The following GC variants were observed in gnomAD, a reference collection of about 807,000 sequenced individuals.
GC encodes the protein GC vitamin D binding protein, also known as vitamin D-binding protein.
In GC, 43 loss-of-function variants were observed where a neutral mutation model predicts 56.7. That is an observed-to-expected ratio of 0.76 (90% CI 0.59 to 0.98). The LOEUF (loss-of-function observed/expected upper bound fraction) is 0.98, where lower values mean the gene tolerates loss of function less well. GC is among the 50% of genes least tolerant of loss of function. The probability of loss-of-function intolerance (pLI) is 0.00; values close to 1 mark genes in which losing one functional copy is unlikely to be tolerated. For missense variants in GC, 529 were observed against 545.9 expected, an observed-to-expected ratio of 0.97 and a Z score of 0.31; for synonymous variants, 216 against 202.7, an observed-to-expected ratio of 1.07 and a Z score of -0.56.
chr4:71,800,638 A>G (rs929822122), intron 1 of GC, among the ~76,000 whole-genome samples: 6 of 152,144 alleles, frequency 3.9e-5, no homozygotes, highest in African/African-American at 1.4e-4. Context: ...CTGGTTCTAG[A>G]TCTTTGAGGA....
intron 1 of GC, chr4:71,803,776 A>C: frequency 1.5e-6 from 1 of 645,266 alleles, no homozygotes; most frequent in Non-Finnish European, 2.8e-6. Context: ...ACAATCGAGA[A>C]ATCACTTTCT....
upstream of GC, among the ~76,000 whole-genome samples, chr4:71,787,639 G>A (rs568868468): frequency 1.7e-4 from 26 of 151,966 alleles, no homozygotes; most frequent in Non-Finnish European, 3.1e-4. Flanking sequence ...AGGGGTAAGA[G>A]TAGATACAGT....
At chr4:71,765,735 G>T in intron 3 of GC, 92 bp from the exon 4 acceptor site, 1 of 777,104 alleles carries the variant, frequency 1.3e-6, no homozygotes, top group Non-Finnish European at 2.1e-6. Flanking sequence ...CCTATAATTA[G>T]AAAATTCTCA....
chr4:71,747,621 CAT>C (rs1483092642), intron 11 of GC, among the ~76,000 whole-genome samples: 1 of 152,076 alleles, frequency 6.6e-6, no homozygotes, highest in Non-Finnish European at 1.5e-5. Context: ...TGTTGACAGT[CAT>C]ATGGTACCAT....
chr4:71,803,990 T>C, exon 1 of GC: 1 of 1,252,040 alleles, frequency 8.0e-7, no homozygotes, highest in Non-Finnish European at 1.1e-6. Flanking sequence ...AGTGGTAGAA[T>C]AGGTAGATAT....
At chr4:71,804,738 T>C (rs1743325752), upstream of GC, among the ~76,000 whole-genome samples, 1 of 152,146 alleles carries the variant, frequency 6.6e-6, no homozygotes. Context: ...CCCAATTGCC[T>C]TGTTCGTCTT....
intron 7 of GC, among the ~76,000 whole-genome samples, chr4:71,757,831 C>T (rs1327522918): frequency 1.3e-5 from 2 of 152,178 alleles, no homozygotes; most frequent in Non-Finnish European, 2.9e-5. Context: ...TTGCCACCTA[C>T]TAGTTGTGTG....
rs111676899 is a variant in GC at position 71,763,495 on chromosome 4, T to C, written c.614A>G (p.Gln205Arg). 6.3e-7 allele frequency: 1 copy of C among 1,585,154 alleles called. No individual in the cohort carries two copies. Among genetic ancestry groups the C allele is most frequent in the Middle Eastern group, 1.7e-4 (1 of 6,014 alleles). The change falls in exon 6 of 13, where the codon CAG (glutamine) becomes CGG (arginine). Residue 205 changes from glutamine to arginine, a missense_variant. By Grantham distance (43) the Gln-to-Arg change is conservative. Coordinates refer to ENST00000273951, the MANE Select transcript of GC (RefSeq NM_000583.4). ...PTVCFLKERL[Q>R]LKHLSLLTTL... is the part of the protein sequence containing the mutation. ...GGTGAGAAGTGATAAATGTTTAAGCTGGAGTCTCTAGAAAACAAGTGAAAG... is the reference window on the plus strand; with the variant it reads ...GGTGAGAAGTGATAAATGTTTAAGCCGGAGTCTCTAGAAAACAAGTGAAAG...
intron 1 of GC, among the ~76,000 whole-genome samples, chr4:71,795,377 T>C (rs2149309954): frequency 6.6e-6 from 1 of 152,322 alleles, no homozygotes; most frequent in African/African-American, 2.4e-5. Context: ...CATAGTTAGC[T>C]CTTCTTATTG....
chr4:71,802,102 T>C (rs564888043), intron 1 of GC, among the ~76,000 whole-genome samples: 1 of 152,206 alleles, frequency 6.6e-6, no homozygotes, highest in Non-Finnish European at 1.5e-5. Flanking sequence ...GGACAGTAGA[T>C]TTTATTCATC....
rs114138315 is a variant in GC at position 71,756,942 on chromosome 4, T to C, written c.832-28A>G. On this transcript the variant is annotated intron_variant, in intron 7 of 12. Transcript: ENST00000273951. ...ACAAAACGAATGGTTAGTTTGTGCA[T>C]TGTTAGTTTCCTGATAGTCTAATTA... 6.2e-3 allele frequency: 9,041 copies of C among 1,452,622 alleles called. 426 individuals are homozygous for C. The African/African-American group carries it at 0.11, about 18-fold the overall frequency. The allele number at this position is 1,452,622 out of a possible 1,614,324, so 90.0% of individuals were successfully genotyped here. A position where few individuals can be genotyped will look rare whatever the true frequency, so the allele number is the denominator to read the frequency against.
intron 8 of GC, among the ~76,000 whole-genome samples, chr4:71,756,161 T>C (rs767467767): frequency 2.0e-5 from 3 of 152,198 alleles, no homozygotes; most frequent in Non-Finnish European, 4.4e-5. Context: ...ATGCTTATTG[T>C]CCAAAAGTTT....
intron 1 of GC, among the ~76,000 whole-genome samples, chr4:71,790,816 G>A (rs1487530991): frequency 7.3e-5 from 11 of 151,420 alleles, no homozygotes; most frequent in African/African-American, 2.4e-4. Flanking sequence ...TGCACAATGT[G>A]CAGGTTAGTT....
At chr4:71,784,435 T>C (rs1742781785), upstream of GC, 1 of 405,280 alleles carries the variant, frequency 2.5e-6, no homozygotes, top group Non-Finnish European at 3.3e-6. Context: ...TTCTCATATG[T>C]AAGTGGAAAA....
chr4:71,760,371 C>A (rs222003), intron 6 of GC, among the ~76,000 whole-genome samples: 3 of 151,876 alleles, frequency 2.0e-5, no homozygotes, highest in Admixed American at 6.6e-5. Context: ...GTTTCTATTC[C>A]CATTACGGAA....
chr4:71,756,954 T>G (rs1286895447), intron 7 of GC, 40 bp from the exon 8 acceptor site: 2 of 1,324,602 alleles, frequency 1.5e-6, no homozygotes, highest in Admixed American at 3.4e-5. Context: ...GTTAGTTTCC[T>G]GATAGTCTAA....
upstream of GC, among the ~76,000 whole-genome samples, chr4:71,784,674 C>G (rs1742789845): frequency 6.6e-6 from 1 of 151,708 alleles, no homozygotes; most frequent in Non-Finnish European, 1.5e-5. Context: ...TTGTGAAGCA[C>G]TGACATATAT....
chr4:71,804,100 C>T (rs549095637), upstream of GC: 6 of 665,124 alleles, frequency 9.0e-6, no homozygotes, highest in South Asian at 8.3e-5. Context: ...CACCAATAAG[C>T]TTAATTATAT....
chr4:71,745,742 A>G (rs1389763636), intron 12 of GC, among the ~76,000 whole-genome samples: 1 of 152,166 alleles, frequency 6.6e-6, no homozygotes, highest in Non-Finnish European at 1.5e-5. Context: ...TTTCAACAGT[A>G]TTGTTTTCAT....
Sources: allele counts gnomAD v4.1 joint callset (sites outside exome capture counted in the v4.1 genomes callset), GRCh38; gene constraint gnomAD v4.1.1; transcripts MANE v1.5; gene names NCBI Gene and HGNC (gene_info 2026-07-23, HGNC 2026-07-21).